LRP1B: variants seen among roughly 807,000 people sequenced by gnomAD.
The protein encoded by LRP1B is low-density lipoprotein receptor-related protein 1B.
A neutral mutation model predicts 556.6 loss-of-function variants in LRP1B; 217 were observed. The ratio of observed to expected loss-of-function variants is 0.39; its 90% confidence interval spans 0.35 to 0.44. The LOEUF (loss-of-function observed/expected upper bound fraction) is 0.44. Among genes scored for constraint, LRP1B ranks in the 20% least tolerant of loss-of-function variants. The pLI, the probability that LRP1B is intolerant of heterozygous loss-of-function variation, is 1.00. For synonymous variants in LRP1B, 2,047 were observed against 1,865.8 expected (o/e 1.10, Z -2.50); for missense variants, 5,053 against 5,620.8 (o/e 0.90, Z 3.23).
chr2:141,077,029 G>A (rs768829330), intron 7 of LRP1B, among the ~76,000 whole-genome samples: 1 of 152,070 alleles, frequency 6.6e-6, no homozygotes, highest in Non-Finnish European at 1.5e-5. Flanking sequence ...GGCAGATCAC[G>A]AGGCCAGGAG....
At chr2:140,987,271 C>T (rs1472292612) in intron 17 of LRP1B, among the ~76,000 whole-genome samples, 2 of 152,080 alleles carry the variant, frequency 1.3e-5, no homozygotes, top group African/African-American at 2.4e-5. Flanking sequence ...GAGCAGCAGA[C>T]TTCATCTGGC....
chr2:142,124,190 C>T (rs1335736787), intron 1 of LRP1B, among the ~76,000 whole-genome samples: 2 of 151,712 alleles, frequency 1.3e-5, no homozygotes, highest in African/African-American at 4.8e-5. Context: ...CTTCTTCCTC[C>T]CACCCTCCCC....
At chr2:141,914,216 A>C (rs1167973572) in intron 1 of LRP1B, among the ~76,000 whole-genome samples, 1 of 152,232 alleles carries the variant, frequency 6.6e-6, no homozygotes, top group East Asian at 1.9e-4. Context: ...TGCAAACCTA[A>C]ATTAATAGAT....
rs943385760 is a variant in LRP1B, at chr2:141,567,054, A to G, written c.206-86521T>C. Among the ~76,000 whole-genome samples, 8 of 152,204 alleles carry G rather than the reference A, an allele frequency of 5.3e-5. No homozygotes were observed. In the East Asian group the frequency reaches 1.2e-3, roughly 22 times the overall value. On this transcript the variant is annotated intron_variant, in intron 2 of 90. Coordinates refer to ENST00000389484, the MANE Select transcript of LRP1B (RefSeq NM_018557.3). ...GATCATGAAAAAAGATTAGAAAATT[A>G]GAAAAAAGAGGAAATCATTTTAGTA...
chr2:141,374,600 G>A (rs1029343935), intron 3 of LRP1B, among the ~76,000 whole-genome samples: 10 of 151,582 alleles, frequency 6.6e-5, no homozygotes, highest in South Asian at 2.1e-4. Context: ...TTTATCTGAC[G>A]GATTATTTAA....
At chr2:140,912,258 A>C (rs1694441526) in intron 21 of LRP1B, among the ~76,000 whole-genome samples, 5 of 151,796 alleles carry the variant, frequency 3.3e-5, no homozygotes, top group Admixed American at 3.3e-4. Context: ...AAATACTTTA[A>C]ACATATTGAT....
At chr2:141,759,262 C>G (rs774297053) in intron 2 of LRP1B, among the ~76,000 whole-genome samples, 2 of 152,122 alleles carry the variant, frequency 1.3e-5, no homozygotes, top group African/African-American at 2.4e-5. Flanking sequence ...CAAGGAAGCT[C>G]TAAACTCATT....
intron 18 of LRP1B, among the ~76,000 whole-genome samples, 181 bp from the exon 19 acceptor site, chr2:140,952,121 T>C (rs2105303400): frequency 6.6e-6 from 1 of 152,318 alleles, no homozygotes; most frequent in Admixed American, 6.5e-5. Flanking sequence ...CACATACTTT[T>C]AATATACTTT....
chr2:141,361,872 C>G lies in LRP1B; in HGVS notation c.344-107231G>C, dbSNP rs1688838405. ...ATTCCACTGCATTGTTCATTTGTCA[C>G]TTTTAGTTTAGTTAGAGCAAATCCA... On this transcript the variant is annotated intron_variant, in intron 3 of 90. Transcript: ENST00000389484. 1.3e-5 allele frequency among the ~76,000 whole-genome samples: 2 copies of G among 152,148 alleles called. 1 individual carries two copies. The highest frequency in any genetic ancestry group is 4.1e-4 in the South Asian group (2 of 4,838).
intron 41 of LRP1B, among the ~76,000 whole-genome samples, chr2:140,687,876 T>A (rs1012220859): frequency 6.6e-6 from 1 of 152,140 alleles, no homozygotes; most frequent in African/African-American, 2.4e-5. Flanking sequence ...CCTTGCTCAT[T>A]TCCACAGGTG....
At chr2:140,304,491 G>T (rs71415484) in intron 83 of LRP1B, among the ~76,000 whole-genome samples, 4 of 151,842 alleles carry the variant, frequency 2.6e-5, no homozygotes, top group Non-Finnish European at 4.4e-5. Flanking sequence ...CCTTCACCCA[G>T]TTTTTGATGG....
At chr2:140,957,987 T>C (rs1367347164) in intron 18 of LRP1B, among the ~76,000 whole-genome samples, 1 of 151,500 alleles carries the variant, frequency 6.6e-6, no homozygotes, top group Admixed American at 6.6e-5. Flanking sequence ...TTCCTGTAAT[T>C]CAGAAATCTT....
rs2105422094 is a variant in LRP1B, at chr2:140,700,602, C to A, written c.6447G>T (p.Arg2149Ser). Residue 2149 changes from arginine to serine, a missense_variant, in exon 41 of 91, where the codon AGG becomes AGT. Arg to Ser is a moderately radical substitution (Grantham distance 110). This residue lies in a region of LRP1B where 3,619 missense variants were observed against 3,931.9 expected (regional missense o/e 0.92). Transcript: ENST00000389484. ...AGAGTTGCTTACAGCCACCATTGTCCCTGGCACAAACATTGGTCCCTAATG... is the reference window on the plus strand; with the variant it reads ...AGAGTTGCTTACAGCCACCATTGTCACTGGCACAAACATTGGTCCCTAATG... ...VREKGTNVCA[R>S]DNGGCKQLCL... The A allele has an allele frequency of 6.2e-7, 1 of 1,613,426 alleles. No individual in the cohort carries two copies. The highest frequency in any genetic ancestry group is 8.5e-7 in the Non-Finnish European group (1 of 1,179,586).
intron 3 of LRP1B, among the ~76,000 whole-genome samples, chr2:141,415,096 A>G (rs146751274): frequency 0.013 from 1,905 of 151,904 alleles, 39 homozygotes; most frequent in African/African-American, 0.042. Context: ...CTCACTGCAA[A>G]CTCCGCCTCC....
chr2:140,727,244 A>T (rs955811446), intron 35 of LRP1B, among the ~76,000 whole-genome samples: 2 of 152,166 alleles, frequency 1.3e-5, no homozygotes, highest in African/African-American at 4.8e-5. Flanking sequence ...CGTTCTGACC[A>T]TTTTCACAAT....
chr2:141,565,659 C>G (rs752198400), intron 2 of LRP1B, among the ~76,000 whole-genome samples: 1 of 152,208 alleles, frequency 6.6e-6, no homozygotes, highest in Non-Finnish European at 1.5e-5. Flanking sequence ...CATTCCTGCA[C>G]TATTTTGTGC....
At chr2:141,894,844 G>A (rs1699397261) in intron 1 of LRP1B, among the ~76,000 whole-genome samples, 1 of 151,948 alleles carries the variant, frequency 6.6e-6, no homozygotes. Context: ...TAAGTTGGGA[G>A]TTCGAGACCA....
At chr2:141,200,267 A>G (rs1486385233) in intron 6 of LRP1B, among the ~76,000 whole-genome samples, 1 of 152,154 alleles carries the variant, frequency 6.6e-6, no homozygotes, top group African/African-American at 2.4e-5. Context: ...ACAAAAAACC[A>G]AGATCATATC....
intron 1 of LRP1B, among the ~76,000 whole-genome samples, chr2:141,878,535 A>G (rs1007245517): frequency 6.6e-6 from 1 of 151,906 alleles, no homozygotes. Context: ...AGAAGAAATA[A>G]AGGAAGAAAG....
Sources: gnomAD v4.1 joint callset for allele counts (sites outside exome capture counted in the v4.1 genomes callset) on GRCh38, gnomAD v4.1.1 for gene constraint, gnomAD v4.1.1 regional missense constraint, MANE v1.5 for transcripts, NCBI Gene and HGNC (gene_info 2026-07-23, HGNC 2026-07-21) for gene names.